UBE3C: variants seen among roughly 807,000 people sequenced by gnomAD.
UBE3C encodes the protein ubiquitin protein ligase E3C.
In UBE3C, 42 loss-of-function variants were observed where a neutral mutation model predicts 129.4. The ratio of observed to expected loss-of-function variants is 0.32; its 90% CI spans 0.25 to 0.42. UBE3C has a LOEUF of 0.42. Among genes scored for constraint, UBE3C ranks in the 10% least tolerant of loss-of-function variants. UBE3C has a pLI of 1.00. For synonymous variants in UBE3C, 510 were observed against 492.4 expected (o/e 1.04, Z -0.47); for missense variants, 1,049 against 1,319.1 (o/e 0.80, Z 3.17).
intron 1 of UBE3C, among the ~76,000 whole-genome samples, chr7:157,157,185 T>G (rs1367813183): frequency 6.6e-6 from 1 of 152,142 alleles, no homozygotes; most frequent in East Asian, 1.9e-4. Flanking sequence ...ATTAAAAAAT[T>G]CAATATACAG....
At chr7:157,190,793 C>T (rs1808940165) in intron 10 of UBE3C, among the ~76,000 whole-genome samples, 1 of 152,200 alleles carries the variant, frequency 6.6e-6, no homozygotes, top group Non-Finnish European at 1.5e-5. Flanking sequence ...TTGTTTACCT[C>T]TCAACTTTAT....
At chr7:157,165,504 T>C (rs914966359) in intron 2 of UBE3C, among the ~76,000 whole-genome samples, 2 of 151,840 alleles carry the variant, frequency 1.3e-5, no homozygotes, top group Admixed American at 6.6e-5. Flanking sequence ...TTCAAGCGAT[T>C]CTCCTGCCTC....
intron 3 of UBE3C, among the ~76,000 whole-genome samples, chr7:157,169,388 T>TTA (rs397836107): frequency 2.0e-5 from 3 of 151,574 alleles, no homozygotes; most frequent in Non-Finnish European, 4.4e-5. Flanking sequence ...TTTTTTTTTT[T>TTA]AAATTGAGAC....
Position 157,207,449 on chromosome 7 carries a change from T to C in UBE3C, c.1470T>C (p.Phe490=). The C allele has an allele frequency of 6.2e-7, 1 of 1,614,046 alleles. No individual in the cohort carries two copies. Among genetic ancestry groups the C allele is most frequent in the African/African-American group, 1.3e-5 (1 of 75,050 alleles). The change falls in exon 12 of 23, where the codon TTT becomes TTC. Residue 490 remains phenylalanine, a synonymous_variant. Coordinates refer to ENST00000348165, the MANE Select transcript of UBE3C (RefSeq NM_014671.3). ...QVISRGSPMS[F]EDSSRIIPLF... ...TATCCAGGGGTTCTCCTATGTCTTT[T>C]GAAGATTCTAGTCGAATCATCCCAC...
At chr7:157,163,095 C>A (rs1808114940) in intron 1 of UBE3C, among the ~76,000 whole-genome samples, 1 of 151,824 alleles carries the variant, frequency 6.6e-6, no homozygotes, top group African/African-American at 2.4e-5. Flanking sequence ...AGAAATGATA[C>A]CCAGAGATGG....
At chr7:157,164,295 T>C (rs779221455) in intron 2 of UBE3C, 10 of 454,336 alleles carry the variant, frequency 2.2e-5, no homozygotes, top group Non-Finnish European at 4.4e-5. Flanking sequence ...TAGCTGGGAC[T>C]ACAGGTGCAT....
chr7:157,175,489 A>G (rs566244488), intron 5 of UBE3C, among the ~76,000 whole-genome samples: 2 of 152,222 alleles, frequency 1.3e-5, no homozygotes, highest in Non-Finnish European at 2.9e-5. Context: ...ACTTTCTTGC[A>G]TTCAGTGTCC....
At chr7:157,214,509 A>G (rs1809681562) in intron 13 of UBE3C, among the ~76,000 whole-genome samples, 1 of 152,204 alleles carries the variant, frequency 6.6e-6, no homozygotes, top group Non-Finnish European at 1.5e-5. Flanking sequence ...TTAAATATGT[A>G]AATATGTCAG....
chr7:157,186,879 A>G lies in UBE3C; in HGVS notation c.1189A>G (p.Lys397Glu). 1 of 1,614,214 alleles carries G rather than the reference A, an allele frequency of 6.2e-7. No homozygotes were observed. The change falls in exon 10 of 23, where the codon AAG (lysine) becomes GAG (glutamate). Residue 397 changes from lysine to glutamate, a missense_variant. Lys to Glu is a moderately conservative substitution (Grantham distance 56). Transcript: ENST00000348165. Reference protein sequence around the residue: ...SVSYITEECLKKLDTKQQTNT... With the variant: ...SVSYITEECLEKLDTKQQTNT... The stretch of plus-strand genomic sequence containing the variant: ...ATCATACATAACAGAGGAATGCCTG[A>G]AGAAGCTGGACACAAAGCAGCAGAC...
intron 11 of UBE3C, among the ~76,000 whole-genome samples, chr7:157,206,867 A>G (rs542908622): frequency 1.1e-4 from 17 of 152,366 alleles, no homozygotes; most frequent in African/African-American, 3.8e-4. Context: ...TAAAGTGGAC[A>G]GTGGGAGCAA....
In UBE3C at chr7:157,181,583, T is replaced by A. The variant is rs1808667401; in HGVS notation, c.682T>A (p.Leu228Ile). ...KLPSSIEYSD[L>I]SRVPIAKILL... ...TCCATCAAGTATTGAATATTCTGAT[T>A]TATCTCGAGTTCCTATAGCAAAAAT... The change falls in exon 7 of 23, where the codon TTA becomes ATA. Residue 228 changes from leucine to isoleucine, a missense_variant. Physicochemically the swap from Leu to Ile is conservative, Grantham distance 5 (BLOSUM62 2). Around this residue, in one of 4 missense-constraint regions of UBE3C, gnomAD observed 489 missense variants for 513.8 expected, o/e 0.95. Transcript: ENST00000348165. 1 of 1,613,730 alleles carries A rather than the reference T, an allele frequency of 6.2e-7. No homozygotes were observed. The highest frequency in any genetic ancestry group is 8.5e-7 in the Non-Finnish European group (1 of 1,179,884).
At chr7:157,247,350 C>T (rs1277037600) in intron 18 of UBE3C, among the ~76,000 whole-genome samples, 1 of 152,182 alleles carries the variant, frequency 6.6e-6, no homozygotes, top group Non-Finnish European at 1.5e-5. Flanking sequence ...GCACCTAGTA[C>T]CTAGTAAGTG....
At chr7:157,156,260 A>G (rs1350930702) in intron 1 of UBE3C, among the ~76,000 whole-genome samples, 2 of 151,204 alleles carry the variant, frequency 1.3e-5, no homozygotes, top group Non-Finnish European at 2.9e-5. Flanking sequence ...GTCAAATAAA[A>G]TACTAGAGCC....
chr7:157,166,803 T>C (rs1283347906), intron 2 of UBE3C, among the ~76,000 whole-genome samples: 1 of 152,170 alleles, frequency 6.6e-6, no homozygotes, highest in Non-Finnish European at 1.5e-5. Context: ...TTAAAATCTA[T>C]TGTTGGAGAA....
intron 16 of UBE3C, 109 bp downstream of exon 16, chr7:157,223,460 AT>A: frequency 5.6e-6 from 5 of 894,314 alleles, no homozygotes; most frequent in South Asian, 1.9e-5. Context: ...GGCTGATTAC[AT>A]AACATACTTT....
chr7:157,157,054 A>G (rs1395569499), intron 1 of UBE3C, among the ~76,000 whole-genome samples: 5 of 152,208 alleles, frequency 3.3e-5, no homozygotes, highest in Non-Finnish European at 7.3e-5. Flanking sequence ...AGGAAAAAAT[A>G]AAGGTGTAGG....
At chr7:157,151,526 G>A (rs1807756686) in intron 1 of UBE3C, among the ~76,000 whole-genome samples, 1 of 152,142 alleles carries the variant, frequency 6.6e-6, no homozygotes, top group South Asian at 2.1e-4. Flanking sequence ...TCCTGATCAT[G>A]TGCTGGCTTT....
intron 2 of UBE3C, among the ~76,000 whole-genome samples, chr7:157,165,587 T>TG (rs1401663328): frequency 6.6e-6 from 1 of 151,988 alleles, no homozygotes; most frequent in African/African-American, 2.4e-5. Flanking sequence ...TTAGTAGAGA[T>TG]GGGGTTTTGC....
In UBE3C at chr7:157,207,438, C is replaced by T. The variant is rs761835839; in HGVS notation, c.1459C>T (p.Pro487Ser). ...PLLQVISRGS[P>S]MSFEDSSRII... Reference sequence around the variant, plus strand: ...GCTTCAGGTGATATCCAGGGGTTCTCCTATGTCTTTTGAAGATTCTAGTCG... The same window carrying T: ...GCTTCAGGTGATATCCAGGGGTTCTTCTATGTCTTTTGAAGATTCTAGTCG... Residue 487 changes from proline to serine, a missense_variant, in exon 12 of 23, where the codon CCT becomes TCT. By Grantham distance (74) the Pro-to-Ser change is moderately conservative. Coordinates refer to ENST00000348165, the MANE Select transcript of UBE3C (RefSeq NM_014671.3). 7.7e-5 allele frequency: 124 copies of T among 1,613,738 alleles called. No homozygotes were observed. The East Asian group carries it at 9.8e-4, about 13-fold the overall frequency.
Sources: gnomAD v4.1 joint callset for allele counts (sites outside exome capture counted in the v4.1 genomes callset) on GRCh38, gnomAD v4.1.1 for gene constraint, gnomAD v4.1.1 regional missense constraint, MANE v1.5 for transcripts, NCBI Gene and HGNC (gene_info 2026-07-23, HGNC 2026-07-21) for gene names.